RGS7: variants seen among roughly 807,000 people sequenced by gnomAD.
RGS7 encodes the protein regulator of G-protein signaling 7.
Under a neutral mutation model 81.1 loss-of-function variants are expected in RGS7, and 27 were observed. That is an observed-to-expected ratio of 0.33 (90% CI 0.25 to 0.46). The LOEUF is 0.46. Among genes scored for constraint, RGS7 ranks in the 20% least tolerant of loss-of-function variants. The probability of loss-of-function intolerance (pLI) is 1.00; values close to 1 mark genes in which losing one functional copy is unlikely to be tolerated. For missense variants in RGS7, 396 were observed against 607.4 expected (o/e 0.65, Z 3.66); for synonymous variants, 208 against 207.7 (o/e 1.00, Z -0.01).
chr1:240,780,863 G>T (rs1390662467), intron 18 of RGS7, among the ~76,000 whole-genome samples: 2 of 146,018 alleles, frequency 1.4e-5, no homozygotes, highest in African/African-American at 5.1e-5. Flanking sequence ...GCAGTGAGTC[G>T]AGATCGCACC....
chr1:241,190,799 T>C (rs2072584306), intron 2 of RGS7, among the ~76,000 whole-genome samples: 2 of 152,100 alleles, frequency 1.3e-5, no homozygotes, highest in South Asian at 4.1e-4. Flanking sequence ...TTGTATGCCT[T>C]CCCCCAGCCC....
chr1:241,238,047 C>G (rs1309298753), intron 2 of RGS7, among the ~76,000 whole-genome samples: 2 of 152,162 alleles, frequency 1.3e-5, no homozygotes, highest in African/African-American at 4.8e-5. Context: ...TCCTCTGCTC[C>G]TCTCTCGTAA....
intron 2 of RGS7, among the ~76,000 whole-genome samples, chr1:241,316,294 G>A (rs1573640948): frequency 1.3e-5 from 2 of 152,268 alleles, no homozygotes; most frequent in East Asian, 3.9e-4. Context: ...AGTCATGATT[G>A]ACTAAATCAC....
chr1:241,174,895 GTTTTTTTTTTT>G (rs551122102), intron 2 of RGS7, among the ~76,000 whole-genome samples: 1 of 69,230 alleles, frequency 1.4e-5, no homozygotes, highest in Admixed American at 2.4e-4. Context: ...ACAGAATTTT[GTTTTTTTTTTT>G]TTTTTTTTTT....
chr1:241,314,325 G>C lies in RGS7; in HGVS notation c.78+41374C>G, dbSNP rs186313469. ...CCTTCAGCAACTACCACCCTCATCA[G>C]TCAACAGCCATCAACATTGAGGCAA... On this transcript the variant is annotated intron_variant, in intron 2 of 18. Coordinates refer to ENST00000440928, the MANE Select transcript of RGS7 (RefSeq NM_001364886.1). Among the ~76,000 whole-genome samples, 444 of 152,258 alleles carry C rather than the reference G, an allele frequency of 2.9e-3. 2 individuals are homozygous for C. Among genetic ancestry groups the C allele is most frequent in the African/African-American group, 0.01 (432 of 41,554 alleles).
At chr1:240,874,211 G>A (rs1351093593) in intron 6 of RGS7, among the ~76,000 whole-genome samples, 2 of 152,076 alleles carry the variant, frequency 1.3e-5, no homozygotes, top group Non-Finnish European at 2.9e-5. Flanking sequence ...AGAAATAAAC[G>A]TTTGCTGTTT....
chr1:241,160,788 T>A (rs931997143), intron 2 of RGS7, among the ~76,000 whole-genome samples: 3 of 152,234 alleles, frequency 2.0e-5, no homozygotes. Flanking sequence ...TGGGGTACTG[T>A]TCCAGCTTAT....
chr1:241,202,446 T>C (rs2073592962), intron 2 of RGS7, among the ~76,000 whole-genome samples: 1 of 152,218 alleles, frequency 6.6e-6, no homozygotes, highest in Non-Finnish European at 1.5e-5. Context: ...CATTTGGTCA[T>C]AGTTTTGCAT....
chr1:240,990,598 A>C (rs1220410876), intron 3 of RGS7, among the ~76,000 whole-genome samples: 1 of 152,230 alleles, frequency 6.6e-6, no homozygotes, highest in Non-Finnish European at 1.5e-5. Context: ...GTAATTGAGT[A>C]TTGTTACTTC....
chr1:240,953,512 A>G (rs1240467675), intron 4 of RGS7, among the ~76,000 whole-genome samples: 1 of 151,986 alleles, frequency 6.6e-6, no homozygotes, highest in Non-Finnish European at 1.5e-5. Context: ...GAAAATGTCT[A>G]AAGAGAAACT....
chr1:241,050,235 A>G (rs1227324628), intron 3 of RGS7, among the ~76,000 whole-genome samples: 2 of 89,252 alleles, frequency 2.2e-5, no homozygotes, highest in African/African-American at 8.6e-5. Flanking sequence ...TGTGTAGATC[A>G]GGCTCAAGGG....
intron 18 of RGS7, among the ~76,000 whole-genome samples, chr1:240,790,806 T>C (rs1046018594): frequency 2.0e-5 from 3 of 152,158 alleles, no homozygotes; most frequent in African/African-American, 2.4e-5. Context: ...TTCCTTTCAA[T>C]TCTGAAACTG....
intron 3 of RGS7, among the ~76,000 whole-genome samples, chr1:241,082,843 C>T (rs889168109): frequency 6.6e-6 from 1 of 152,116 alleles, no homozygotes; most frequent in Non-Finnish European, 1.5e-5. Context: ...AAAATATGTA[C>T]AACTATGATA....
At chr1:241,121,150 T>C (rs2066230943) in intron 2 of RGS7, among the ~76,000 whole-genome samples, 1 of 152,118 alleles carries the variant, frequency 6.6e-6, no homozygotes, top group African/African-American at 2.4e-5. Context: ...ATAGATGATA[T>C]CAGGAAAAAG....
intron 18 of RGS7, among the ~76,000 whole-genome samples, chr1:240,794,947 C>T (rs1442468103): frequency 6.6e-6 from 1 of 152,046 alleles, no homozygotes; most frequent in Non-Finnish European, 1.5e-5. Flanking sequence ...CTTTGGGAGG[C>T]CGAGGCAGGC....
At chr1:241,330,840 C>G (rs2081937640) in intron 2 of RGS7, among the ~76,000 whole-genome samples, 2 of 152,150 alleles carry the variant, frequency 1.3e-5, no homozygotes, top group African/African-American at 4.8e-5. Flanking sequence ...ACTATGTTCA[C>G]TATTTGAGTG....
chr1:241,167,477 A>C (rs2070351976), intron 2 of RGS7, among the ~76,000 whole-genome samples: 1 of 151,880 alleles, frequency 6.6e-6, no homozygotes, highest in African/African-American at 2.4e-5. Flanking sequence ...TGTGGCATCA[A>C]CCAGGAGATT....
At position 240,862,891 on chromosome 1, in the gene RGS7, C is replaced by T. The variant is rs1030883482; in HGVS notation, c.609+5696G>A. ...AAAATAAGACCCTACTTTCTTATCTCTTTTTTTTTACGAATAATTTCTGTA... is the reference window on the plus strand; with the variant it reads ...AAAATAAGACCCTACTTTCTTATCTTTTTTTTTTTACGAATAATTTCTGTA... On this transcript the variant is annotated intron_variant, in intron 9 of 18. Transcript: ENST00000440928. Among the ~76,000 whole-genome samples, 8 of 150,136 alleles carry T rather than the reference C, an allele frequency of 5.3e-5. No individual in the cohort carries two copies. The South Asian group carries it at 1.3e-3, about 24-fold the overall frequency.
chr1:240,776,684 T>C (rs1391527552), intron 18 of RGS7, among the ~76,000 whole-genome samples: 1 of 152,206 alleles, frequency 6.6e-6, no homozygotes, highest in Non-Finnish European at 1.5e-5. Context: ...ATGTAGAGGA[T>C]ACGATTTAAT....
Sources: allele counts gnomAD v4.1 joint callset (sites outside exome capture counted in the v4.1 genomes callset), GRCh38; gene constraint gnomAD v4.1.1; transcripts MANE v1.5; gene names NCBI Gene and HGNC (gene_info 2026-07-23, HGNC 2026-07-21).